CSMD1: variants seen among roughly 807,000 people sequenced by gnomAD.
The protein encoded by CSMD1 is CUB and Sushi multiple domains 1.
A neutral mutation model predicts 417.5 loss-of-function variants in CSMD1; 213 were observed. The observed-to-expected ratio is 0.51, with a 90% confidence interval of 0.46 to 0.57. The LOEUF (loss-of-function observed/expected upper bound fraction) is 0.57, where lower values mean the gene tolerates loss of function less well. Among genes scored for constraint, CSMD1 ranks in the 20% least tolerant of loss-of-function variants. The probability of loss-of-function intolerance (pLI) is 0.00; values close to 1 mark genes in which losing one functional copy is unlikely to be tolerated. For synonymous variants in CSMD1, 2,862 were observed against 1,736.8 expected, an observed-to-expected ratio of 1.65 and a Z score of -16.11; for missense variants, 6,923 against 4,529.7, an observed-to-expected ratio of 1.53 and a Z score of -15.17.
intron 3 of CSMD1, among the ~76,000 whole-genome samples, chr8:4,285,433 T>TA (rs1395885623): frequency 5.3e-5 from 8 of 152,162 alleles, no homozygotes; most frequent in African/African-American, 1.9e-4. Context: ...AAGAAACACC[T>TA]AGACAAGGGT....
intron 3 of CSMD1, among the ~76,000 whole-genome samples, chr8:4,208,809 G>T (rs552985505): frequency 6.6e-6 from 1 of 152,246 alleles, no homozygotes; most frequent in African/African-American, 2.4e-5. Context: ...AAACTGTCCG[G>T]TTTTACAGTT....
At chr8:3,831,463 T>TA (rs1563124383) in intron 5 of CSMD1, among the ~76,000 whole-genome samples, 1 of 152,162 alleles carries the variant, frequency 6.6e-6, no homozygotes, top group African/African-American at 2.4e-5. Context: ...AGATTCCTTA[T>TA]AAACATGATA....
chr8:3,694,263 G>C (rs1169780018), intron 7 of CSMD1, among the ~76,000 whole-genome samples: 2 of 152,074 alleles, frequency 1.3e-5, no homozygotes, highest in South Asian at 2.1e-4. Context: ...GAAGAGCCTG[G>C]TCATGCTCAG....
intron 26 of CSMD1, among the ~76,000 whole-genome samples, chr8:3,257,169 A>G (rs73185586): frequency 2.6e-5 from 4 of 152,132 alleles, no homozygotes; most frequent in South Asian, 4.2e-4. Context: ...TAAAAACACA[A>G]AAATTTGCTG....
At chr8:3,494,867 G>C (rs1350183593) in intron 10 of CSMD1, among the ~76,000 whole-genome samples, 1 of 152,156 alleles carries the variant, frequency 6.6e-6, no homozygotes, top group East Asian at 1.9e-4. Context: ...TCAAATGCCT[G>C]TTTGTTAAGC....
intron 2 of CSMD1, among the ~76,000 whole-genome samples, chr8:4,467,288 T>G (rs1264506926): frequency 6.6e-6 from 1 of 152,192 alleles, no homozygotes; most frequent in Non-Finnish European, 1.5e-5. Flanking sequence ...AACCAATTCA[T>G]GGCAAGGAAA....
At chr8:4,162,572 T>G (rs1364055653) in intron 3 of CSMD1, among the ~76,000 whole-genome samples, 5 of 152,180 alleles carry the variant, frequency 3.3e-5, no homozygotes, top group African/African-American at 9.7e-5. Flanking sequence ...CTTTGATTTT[T>G]TAAATATAGA....
At chr8:4,296,228 T>C (rs748360942) in intron 3 of CSMD1, among the ~76,000 whole-genome samples, 26 of 152,108 alleles carry the variant, frequency 1.7e-4, no homozygotes, top group Non-Finnish European at 2.9e-4. Flanking sequence ...GCTTAAAACC[T>C]TGATCAGTGA....
chr8:3,923,459 C>G (rs1175126159), intron 5 of CSMD1, among the ~76,000 whole-genome samples: 1 of 152,072 alleles, frequency 6.6e-6, no homozygotes, highest in African/African-American at 2.4e-5. Context: ...ATTATATCTG[C>G]ATTGCCATTT....
intron 37 of CSMD1, among the ~76,000 whole-genome samples, chr8:3,166,531 C>G (rs1192208313): frequency 6.6e-6 from 1 of 151,978 alleles, no homozygotes; most frequent in African/African-American, 2.4e-5. Context: ...GAGACTCCAT[C>G]TCAAAAAAAT....
intron 1 of CSMD1, among the ~76,000 whole-genome samples, chr8:4,945,751 C>T (rs1231416414): frequency 2.0e-5 from 3 of 151,900 alleles, no homozygotes; most frequent in Non-Finnish European, 1.5e-5. Flanking sequence ...GAGATGATGC[C>T]ACCTGGAGAA....
chr8:3,565,944 C>T (rs1194623985), intron 10 of CSMD1, among the ~76,000 whole-genome samples: 1 of 152,180 alleles, frequency 6.6e-6, no homozygotes, highest in Non-Finnish European at 1.5e-5. Flanking sequence ...GCGGACCAAT[C>T]TTCCCAACGT....
intron 1 of CSMD1, among the ~76,000 whole-genome samples, chr8:4,775,648 A>T (rs1201728951): frequency 6.6e-6 from 1 of 152,184 alleles, no homozygotes; most frequent in African/African-American, 2.4e-5. Context: ...TTATTTTCAA[A>T]AACATCATCT....
At chr8:3,081,341 T>A (rs1308316893) in intron 49 of CSMD1, among the ~76,000 whole-genome samples, 1 of 152,222 alleles carries the variant, frequency 6.6e-6, no homozygotes, top group Admixed American at 6.5e-5. Context: ...ACGGACTGCT[T>A]TTCAAATCAT....
intron 5 of CSMD1, among the ~76,000 whole-genome samples, chr8:3,967,275 T>C (rs2688348): frequency 0.21 from 32,095 of 151,950 alleles, 3,593 homozygotes; most frequent in Admixed American, 0.3. Flanking sequence ...TCTCTCTCTA[T>C]ACTGTTCTTG....
intron 3 of CSMD1, among the ~76,000 whole-genome samples, chr8:4,316,821 G>A (rs1216657727): frequency 2.0e-5 from 3 of 152,016 alleles, no homozygotes; most frequent in South Asian, 2.1e-4. Flanking sequence ...GTCAGCACTC[G>A]GTAAACGCAA....
intron 3 of CSMD1, among the ~76,000 whole-genome samples, chr8:4,102,324 A>T (rs1390845788): frequency 6.6e-6 from 1 of 152,188 alleles, no homozygotes; most frequent in Non-Finnish European, 1.5e-5. Context: ...ATTAATTTTA[A>T]ACAAATATGT....
At chr8:3,588,912 G>A (rs1233387946) in intron 8 of CSMD1, among the ~76,000 whole-genome samples, 1 of 152,018 alleles carries the variant, frequency 6.6e-6, no homozygotes, top group Admixed American at 6.6e-5. Flanking sequence ...GTAACATATG[G>A]GCAAAGGACC....
chr8:3,181,194 G>C lies in CSMD1; in HGVS notation c.5641C>G (p.Leu1881Val). The C allele has an allele frequency of 6.2e-7, 1 of 1,613,488 alleles. No homozygotes were observed. Among genetic ancestry groups the C allele is most frequent in the Non-Finnish European group, 8.5e-7 (1 of 1,179,492 alleles). The change falls in exon 37 of 70, where the codon CTG (leucine) becomes GTG (valine). Residue 1881 changes from leucine (L) to valine (V), a missense_variant. Physicochemically the swap from Leu to Val is conservative, Grantham distance 32. Transcript: ENST00000635120. The stretch of plus-strand genomic sequence containing the variant: ...TAGAGTTGGTTGGAAGTACTGTTCA[G>C]CAGTGCCGGTACTGTGGTGCCTGTA... ...SFSGTTVPAL[L>V]NSTSNQLYLH...
Sources: gnomAD v4.1 joint callset for allele counts (sites outside exome capture counted in the v4.1 genomes callset) on GRCh38, gnomAD v4.1.1 for gene constraint, MANE v1.5 for transcripts, NCBI Gene and HGNC (gene_info 2026-07-23, HGNC 2026-07-21) for gene names.